FSTL5: variants seen among roughly 807,000 people sequenced by gnomAD.
FSTL5 encodes follistatin like 5, also known as follistatin-related protein 5.
A neutral mutation model predicts 89.1 loss-of-function variants in FSTL5; 62 were observed. The ratio of observed to expected loss-of-function variants is 0.70; its 90% CI spans 0.57 to 0.86. The LOEUF (loss-of-function observed/expected upper bound fraction) is 0.86, where lower values mean the gene tolerates loss of function less well. Ranked by LOEUF, FSTL5 falls within the 40% of genes least tolerant of loss-of-function variation. The pLI is 0.00. For synonymous variants in FSTL5, 383 were observed against 346.2 expected, an observed-to-expected ratio of 1.11 and a Z score of -1.18; for missense variants, 1,057 against 1,001.6, an observed-to-expected ratio of 1.06 and a Z score of -0.75.
At chr4:162,094,711 G>T (rs1561015420) in intron 2 of FSTL5, among the ~76,000 whole-genome samples, 1 of 152,124 alleles carries the variant, frequency 6.6e-6, no homozygotes, top group East Asian at 1.9e-4. Context: ...GTTGCCCTCA[G>T]AAGATGGTAT....
Position 161,940,486 on chromosome 4 carries a change from T to G in FSTL5, c.161-19834A>C, listed in dbSNP as rs553439590. ...CACTGAGCCCAATTATAAAGAAACT[T>G]TTTACAAAGCAAGAATCCTGAAAAC... is the stretch of plus-strand genomic sequence containing the variant. On this transcript the variant is annotated intron_variant, in intron 3 of 15. Coordinates refer to ENST00000306100, the MANE Select transcript of FSTL5 (RefSeq NM_020116.5). Among the ~76,000 whole-genome samples, 216 of 151,788 alleles carry G rather than the reference T, an allele frequency of 1.4e-3. 1 individual carries two copies. The highest frequency in any genetic ancestry group is 2.3e-3 in the Non-Finnish European group (155 of 67,786).
At chr4:161,499,388 C>T (rs529994825) in intron 12 of FSTL5, among the ~76,000 whole-genome samples, 1 of 152,184 alleles carries the variant, frequency 6.6e-6, no homozygotes, top group South Asian at 2.1e-4. Flanking sequence ...AACTGACCTC[C>T]TGGTCATTAT....
chr4:161,577,473 CAAA>C (rs544029134), intron 8 of FSTL5, among the ~76,000 whole-genome samples: 1 of 110,224 alleles, frequency 9.1e-6, no homozygotes, highest in Non-Finnish European at 1.8e-5. Context: ...AGAAAAAAGA[CAAA>C]AAAAAAAAAA....
intron 3 of FSTL5, among the ~76,000 whole-genome samples, chr4:161,928,910 T>A (rs1236968011): frequency 2.0e-5 from 3 of 151,780 alleles, no homozygotes; most frequent in Non-Finnish European, 4.4e-5. Flanking sequence ...GTCCAACTCA[T>A]CAATTTTTCC....
intron 12 of FSTL5, among the ~76,000 whole-genome samples, chr4:161,482,480 A>AT (rs1344070450): frequency 6.6e-6 from 1 of 152,100 alleles, no homozygotes; most frequent in Non-Finnish European, 1.5e-5. Flanking sequence ...TTAGAACACT[A>AT]TTTTTTCTAA....
rs1017253734 is a variant in FSTL5, at chr4:161,636,614, C to G, written c.894+19714G>C. ...TCTCCCAATGCTATCCCTCCCCCAT[C>G]CCCCCACCCCACCACAGTCCCCAGA... On this transcript the variant is annotated intron_variant, in intron 7 of 15. Transcript: ENST00000306100. Among the ~76,000 whole-genome samples, 4 of 138,708 alleles carry G rather than the reference C, an allele frequency of 2.9e-5. No individual in the cohort carries two copies. The South Asian group carries it at 9.9e-4, about 34-fold the overall frequency. 91.0% of individuals were successfully genotyped at this position (138,708 alleles called of 152,430 possible). A position where few individuals can be genotyped will look rare whatever the true frequency, so the allele number is the denominator to read the frequency against.
At chr4:161,866,105 G>A (rs1293833898) in intron 4 of FSTL5, among the ~76,000 whole-genome samples, 1 of 152,192 alleles carries the variant, frequency 6.6e-6, no homozygotes, top group Non-Finnish European at 1.5e-5. Context: ...TATTTTAGGA[G>A]TTGTTATTAG....
chr4:161,870,046 T>C (rs1732213357), intron 4 of FSTL5, among the ~76,000 whole-genome samples: 1 of 152,148 alleles, frequency 6.6e-6, no homozygotes, highest in Non-Finnish European at 1.5e-5. Context: ...GACTGCAAGG[T>C]AAATCTGTTG....
chr4:161,558,326 C>T (rs943899971), intron 8 of FSTL5, among the ~76,000 whole-genome samples: 7 of 151,874 alleles, frequency 4.6e-5, no homozygotes, highest in Admixed American at 3.9e-4. Context: ...TGCAACTTGA[C>T]TGTATCAATG....
At chr4:161,713,447 A>G (rs881027) in intron 6 of FSTL5, among the ~76,000 whole-genome samples, 9,630 of 152,194 alleles carry the variant, frequency 0.063, 360 homozygotes, top group Non-Finnish European at 0.086. Flanking sequence ...CTACTGTGTG[A>G]CTTTACTTTG....
intron 15 of FSTL5, among the ~76,000 whole-genome samples, chr4:161,450,757 TTTTGAGACAGAGTCTCACTCTG>T: frequency 6.6e-6 from 1 of 151,168 alleles, no homozygotes; most frequent in Admixed American, 6.6e-5. Context: ...TTTTTTTTTT[TTTTGAGACAGAGTCTCACTCTG>T]TTGCCCAGAC....
chr4:162,031,746 G>A (rs868613560), intron 3 of FSTL5, among the ~76,000 whole-genome samples: 96 of 152,180 alleles, frequency 6.3e-4, no homozygotes, highest in African/African-American at 2.2e-3. Flanking sequence ...GACCGTCCTG[G>A]CCAAGACAGT....
chr4:161,921,709 G>C (rs1420109203), intron 3 of FSTL5, among the ~76,000 whole-genome samples: 1 of 152,026 alleles, frequency 6.6e-6, no homozygotes, highest in Non-Finnish European at 1.5e-5. Context: ...TAATAATTAA[G>C]AACATGGATT....
intron 4 of FSTL5, among the ~76,000 whole-genome samples, chr4:161,791,565 G>A (rs1699038476): frequency 6.6e-6 from 1 of 152,194 alleles, no homozygotes; most frequent in African/African-American, 2.4e-5. Context: ...GGGCATGGCT[G>A]TGTTCCAATA....
At chr4:161,610,128 T>C (rs116347154) in intron 7 of FSTL5, among the ~76,000 whole-genome samples, 2,288 of 152,228 alleles carry the variant, frequency 0.015, 71 homozygotes, top group South Asian at 0.14. Flanking sequence ...AGAGAAATTT[T>C]ATACTGGATT....
At chr4:162,024,080 G>A (rs912082171) in intron 3 of FSTL5, among the ~76,000 whole-genome samples, 1 of 152,144 alleles carries the variant, frequency 6.6e-6, no homozygotes, top group Non-Finnish European at 1.5e-5. Context: ...ATGCCATTTG[G>A]TGTTTGAAAT....
chr4:161,986,316 G>A (rs1410162357), intron 3 of FSTL5, among the ~76,000 whole-genome samples: 2 of 152,144 alleles, frequency 1.3e-5, no homozygotes, highest in Non-Finnish European at 1.5e-5. Flanking sequence ...TTGGGAGGCC[G>A]AGGCAGGTGG....
intron 1 of FSTL5, among the ~76,000 whole-genome samples, chr4:162,119,931 T>A (rs1731788502): frequency 6.6e-6 from 1 of 152,188 alleles, no homozygotes; most frequent in South Asian, 2.1e-4. Flanking sequence ...CAGTGCTCCA[T>A]GTTGAAAGAT....
At chr4:162,111,939 G>T (rs1028871508) in intron 1 of FSTL5, among the ~76,000 whole-genome samples, 2 of 152,134 alleles carry the variant, frequency 1.3e-5, no homozygotes, top group South Asian at 2.1e-4. Flanking sequence ...ATTATATTTA[G>T]TTATTAATGT....
Sources: allele counts gnomAD v4.1 joint callset (sites outside exome capture counted in the v4.1 genomes callset), GRCh38; gene constraint gnomAD v4.1.1; transcripts MANE v1.5; gene names NCBI Gene and HGNC (gene_info 2026-07-23, HGNC 2026-07-21).